KIAA1217: variants seen among roughly 807,000 people sequenced by gnomAD.
KIAA1217 encodes the protein KIAA1217.
A neutral mutation model predicts 163.9 loss-of-function variants in KIAA1217; 88 were observed. The observed-to-expected ratio is 0.54, with a 90% CI of 0.45 to 0.64. The LOEUF is 0.64. KIAA1217 is among the 30% of genes least tolerant of loss of function. The pLI, the probability that KIAA1217 is intolerant of heterozygous loss-of-function variation, is 0.00. For synonymous variants in KIAA1217, 903 were observed against 923.1 expected, an observed-to-expected ratio of 0.98 and a Z score of 0.39; for missense variants, 2,372 against 2,475.0, an observed-to-expected ratio of 0.96 and a Z score of 0.88.
rs572029842 is a variant in KIAA1217, at chr10:24,170,106, T to C, written c.-170-49520T>C. ...GGTTGTGATTATCTACATACATCCA[T>C]GCTTTATACAAAAACTCATATTAAA... On this transcript the variant is annotated intron_variant, in intron 2 of 18. Coordinates refer to the KIAA1217 transcript ENST00000376462. 3.9e-5 allele frequency among the ~76,000 whole-genome samples: 6 copies of C among 152,344 alleles called. No individual in the cohort carries two copies. The South Asian group carries it at 6.2e-4, about 16-fold the overall frequency.
chr10:24,025,782 T>C (rs904355308), intron 2 of KIAA1217, among the ~76,000 whole-genome samples: 1 of 151,830 alleles, frequency 6.6e-6, no homozygotes, highest in Non-Finnish European at 1.5e-5. Context: ...TTCTAAATGG[T>C]AATTTTGAAT....
chr10:24,255,655 G>A (rs1429766475), intron 2 of KIAA1217: 4 of 396,542 alleles, frequency 1.0e-5, no homozygotes, highest in South Asian at 7.4e-5. Context: ...CTAAACTGCT[G>A]TGTGATATGT....
At chr10:24,049,930 T>C (rs923678957) in intron 2 of KIAA1217, among the ~76,000 whole-genome samples, 5 of 152,220 alleles carry the variant, frequency 3.3e-5, no homozygotes, top group Non-Finnish European at 7.3e-5. Context: ...ACCAACAGTA[T>C]AAAAGCATTC....
chr10:24,137,050 G>A (rs908530184), intron 2 of KIAA1217, among the ~76,000 whole-genome samples: 2 of 152,192 alleles, frequency 1.3e-5, no homozygotes, highest in African/African-American at 4.8e-5. Flanking sequence ...CTCTTTTGAA[G>A]GGATAGCACT....
intron 2 of KIAA1217, among the ~76,000 whole-genome samples, chr10:24,146,381 G>C (rs927934868): frequency 1.3e-5 from 2 of 152,196 alleles, no homozygotes; most frequent in African/African-American, 4.8e-5. Flanking sequence ...AGAGAATCCA[G>C]GCACCAGAGC....
chr10:24,278,053 G>T (rs2077503436), intron 2 of KIAA1217, among the ~76,000 whole-genome samples: 1 of 152,168 alleles, frequency 6.6e-6, no homozygotes, highest in Non-Finnish European at 1.5e-5. Flanking sequence ...CGCCGTCATG[G>T]GTGAGATGCT....
chr10:23,896,365 CG>C (rs1334592637), intron 1 of KIAA1217, among the ~76,000 whole-genome samples: 1 of 152,032 alleles, frequency 6.6e-6, no homozygotes, highest in African/African-American at 2.4e-5. Flanking sequence ...ACGCATCACA[CG>C]CTGTCGAGAG....
At chr10:24,307,629 AT>A (rs1347288805) in intron 2 of KIAA1217, among the ~76,000 whole-genome samples, 7 of 147,492 alleles carry the variant, frequency 4.7e-5, no homozygotes, top group South Asian at 2.2e-4. Flanking sequence ...AAAAAAAAAA[AT>A]ATTAGCCAGG....
Position 24,422,901 on chromosome 10 carries a change from C to CTTTTTTTT in KIAA1217, c.554-10080_554-10073dup, listed in dbSNP as rs58161228. ...CTCATATTACTTCCTATAGATTTAA[C>CTTTTTTTT]TTTTTTTTTTTTTTTTTTTTTGAGA... is the stretch of plus-strand genomic sequence containing the variant. On this transcript the variant is annotated intron_variant, in intron 3 of 20. Coordinates refer to ENST00000376454, the MANE Select transcript of KIAA1217 (RefSeq NM_019590.5). Among the ~76,000 whole-genome samples the CTTTTTTTT allele has an allele frequency of 5.0e-5, 6 of 120,622 alleles. 1 individual carries two copies. Among genetic ancestry groups the CTTTTTTTT allele is most frequent in the Admixed American group, 1.8e-4 (2 of 11,288 alleles). 79.1% of individuals were successfully genotyped at this position (120,622 alleles called of 152,430 possible). A position where few individuals can be genotyped will look rare whatever the true frequency, so the allele number is the denominator to read the frequency against.
chr10:23,759,321 G>A (rs904677135), intron 1 of KIAA1217, among the ~76,000 whole-genome samples: 12 of 147,772 alleles, frequency 8.1e-5, no homozygotes, highest in Non-Finnish European at 1.8e-4. Flanking sequence ...AAATAATTAG[G>A]GTTTTTTACA....
intron 2 of KIAA1217, among the ~76,000 whole-genome samples, chr10:24,149,909 G>T (rs2064522900): frequency 6.6e-6 from 1 of 151,962 alleles, no homozygotes; most frequent in Non-Finnish European, 1.5e-5. Flanking sequence ...AAAACAAAAG[G>T]AGCAATAAGA....
At chr10:24,254,595 T>G (rs1339474370) in intron 2 of KIAA1217, among the ~76,000 whole-genome samples, 2 of 152,182 alleles carry the variant, frequency 1.3e-5, no homozygotes, top group Non-Finnish European at 2.9e-5. Flanking sequence ...CAACCTGGTA[T>G]GCTTTTAAGG....
chr10:24,251,400 C>CA (rs55668887), intron 2 of KIAA1217, among the ~76,000 whole-genome samples: 1,464 of 90,422 alleles, frequency 0.016, 34 homozygotes, highest in African/African-American at 0.051. Flanking sequence ...GACACTGTCT[C>CA]AAAAAAAAAA....
At chr10:24,017,039 T>TG (rs1847509788) in intron 2 of KIAA1217, among the ~76,000 whole-genome samples, 2 of 97,602 alleles carry the variant, frequency 2.0e-5, no homozygotes, top group African/African-American at 7.8e-5. Context: ...TTAGTTTTTT[T>TG]GTTTTTTTTT....
At position 24,378,376 on chromosome 10, in the gene KIAA1217, C is replaced by G. The variant is rs529384862; in HGVS notation, c.355-2493C>G. The stretch of plus-strand genomic sequence containing the variant: ...GAGTGGGTAGCCCTGTACTTTATTG[C>G]CCAGTTCAGAGCAACCCTCGCACCT... On this transcript the variant is annotated intron_variant, in intron 2 of 20. Transcript: ENST00000376454. Among the ~76,000 whole-genome samples, 3 of 152,144 alleles carry G rather than the reference C, an allele frequency of 2.0e-5. No homozygotes were observed. The South Asian group carries it at 6.2e-4, about 32-fold the overall frequency.
At chr10:24,119,311 C>A (rs1196631873) in intron 2 of KIAA1217, among the ~76,000 whole-genome samples, 1 of 152,172 alleles carries the variant, frequency 6.6e-6, no homozygotes, top group Non-Finnish European at 1.5e-5. Context: ...TTTATTTCAA[C>A]TTTTGTCGAC....
intron 1 of KIAA1217, among the ~76,000 whole-genome samples, chr10:23,908,662 G>A (rs913522072): frequency 6.6e-6 from 1 of 152,084 alleles, no homozygotes; most frequent in East Asian, 1.9e-4. Context: ...AGTCTCTTCA[G>A]TGTCAACATT....
intron 2 of KIAA1217, among the ~76,000 whole-genome samples, chr10:24,197,499 C>T (rs2067045241): frequency 6.6e-6 from 1 of 152,244 alleles, no homozygotes; most frequent in Admixed American, 6.5e-5. Flanking sequence ...TGTGGTAGCA[C>T]TGACCAAAGT....
chr10:24,050,856 G>GA (rs1419977778), intron 2 of KIAA1217, among the ~76,000 whole-genome samples: 3 of 152,108 alleles, frequency 2.0e-5, no homozygotes, highest in Admixed American at 2.0e-4. Flanking sequence ...ATCCTTAGCA[G>GA]AAAAAGCAAA....
Sources: gnomAD v4.1 joint callset for allele counts (sites outside exome capture counted in the v4.1 genomes callset) on GRCh38, gnomAD v4.1.1 for gene constraint, MANE v1.5 for transcripts, NCBI Gene and HGNC (gene_info 2026-07-23, HGNC 2026-07-21) for gene names.